UBE3A: variants seen among roughly 807,000 people sequenced by gnomAD.
The protein encoded by UBE3A is ubiquitin protein ligase E3A.
A neutral mutation model predicts 83.4 loss-of-function variants in UBE3A; 6 were observed. That is an observed-to-expected ratio of 0.07 (90% CI 0.04 to 0.14). The LOEUF is 0.14. Among genes scored for constraint, UBE3A ranks in the 10% least tolerant of loss-of-function variants. UBE3A has a pLI of 1.00. For missense variants in UBE3A, 456 were observed against 1,036.1 expected (o/e 0.44, Z 7.69); for synonymous variants, 337 against 355.4 (o/e 0.95, Z 0.58).
chr15:25,379,990 A>C lies in UBE3A; in HGVS notation c.63-4227T>G, dbSNP rs28397621. On this transcript the variant is annotated intron_variant, in intron 4 of 12. Coordinates refer to ENST00000648336, the MANE Select transcript of UBE3A (RefSeq NM_130839.5). ...TGTCCCCACCCAAATCTCATCTTGA[A>C]TTGTACTCCCATAATTCTCATGTGT... 4.3e-3 allele frequency among the ~76,000 whole-genome samples: 656 copies of C among 152,192 alleles called. 2 individuals carry two copies. Among genetic ancestry groups the C allele is most frequent in the African/African-American group, 0.014 (581 of 41,514 alleles).
intron 11 of UBE3A, among the ~76,000 whole-genome samples, chr15:25,341,355 G>A (rs1486816201): frequency 1.3e-5 from 2 of 151,638 alleles, no homozygotes; most frequent in South Asian, 2.1e-4. Flanking sequence ...GCAGGCATGA[G>A]CCACCGCGCC....
intron 4 of UBE3A, among the ~76,000 whole-genome samples, chr15:25,390,259 C>G (rs756915572): frequency 5.9e-5 from 9 of 152,138 alleles, no homozygotes; most frequent in Non-Finnish European, 1.3e-4. Flanking sequence ...AAACTAAACA[C>G]TTTTACCATA....
At chr15:25,342,696 C>T (rs1275684174) in intron 11 of UBE3A, among the ~76,000 whole-genome samples, 1 of 151,988 alleles carries the variant, frequency 6.6e-6, no homozygotes, top group African/African-American at 2.4e-5. Context: ...GAACAATAAA[C>T]TCCAAATACC....
chr15:25,358,599 T>C (rs2077567504), intron 7 of UBE3A, among the ~76,000 whole-genome samples: 1 of 152,182 alleles, frequency 6.6e-6, no homozygotes, highest in South Asian at 2.1e-4. Flanking sequence ...AAGTAGAGCT[T>C]AGAAATCAGA....
At chr15:25,411,132 T>C (rs11857412) in intron 2 of UBE3A, among the ~76,000 whole-genome samples, 7,065 of 152,286 alleles carry the variant, frequency 0.046, 212 homozygotes, top group African/African-American at 0.065. Flanking sequence ...GACTTATGTC[T>C]CTGTTTGGTC....
In UBE3A at chr15:25,437,417, T is replaced by G. The variant is rs140632097; in HGVS notation, c.-165+1072A>C. Among the ~76,000 whole-genome samples the G allele has an allele frequency of 6.4e-3, 968 of 152,302 alleles. 6 individuals are homozygous for G. Among genetic ancestry groups the G allele is most frequent in the Non-Finnish European group, 8.8e-3 (598 of 68,026 alleles). ...CCTTTGTGTCTCTGACAGGTAACTT[T>G]CAACAGTTGTATTTCTTAAACTTTA... On this transcript the variant is annotated intron_variant, in intron 1 of 12. Transcript: ENST00000648336.
intron 4 of UBE3A, 115 bp from the exon 5 acceptor site, chr15:25,375,878 G>A: frequency 8.7e-7 from 1 of 1,151,988 alleles, no homozygotes; most frequent in South Asian, 1.3e-5. Flanking sequence ...ACCTGTGTAT[G>A]AAGATGAGAA....
chr15:25,406,874 A>AG (rs1197293862), intron 3 of UBE3A, among the ~76,000 whole-genome samples: 5 of 151,252 alleles, frequency 3.3e-5, no homozygotes, highest in Non-Finnish European at 5.9e-5. Flanking sequence ...AAAAAAAAAA[A>AG]GACTCCAGCA....
At chr15:25,420,690 C>T (rs1206335739) in intron 1 of UBE3A, 1 of 152,144 alleles carries the variant, frequency 6.6e-6, no homozygotes, top group Non-Finnish European at 1.5e-5. Flanking sequence ...AATTGGAACC[C>T]TTATTCACTG....
intron 4 of UBE3A, among the ~76,000 whole-genome samples, chr15:25,389,789 G>C (rs1334057912): frequency 6.6e-6 from 1 of 152,188 alleles, no homozygotes; most frequent in East Asian, 1.9e-4. Flanking sequence ...TCGGGAGGCT[G>C]ACGCAGGAGA....
chr15:25,350,359 C>T (rs1354946061), intron 11 of UBE3A, among the ~76,000 whole-genome samples: 1 of 150,888 alleles, frequency 6.6e-6, no homozygotes, highest in Non-Finnish European at 1.5e-5. Context: ...CCCGCCAACA[C>T]ACACATACAT....
At chr15:25,390,054 C>T (rs991067417) in intron 4 of UBE3A, among the ~76,000 whole-genome samples, 4 of 152,200 alleles carry the variant, frequency 2.6e-5, no homozygotes, top group Admixed American at 2.6e-4. Context: ...ATGTCCCACA[C>T]ATCATATGGC....
chr15:25,395,365 C>T (rs751499284), intron 4 of UBE3A, among the ~76,000 whole-genome samples: 2 of 152,138 alleles, frequency 1.3e-5, no homozygotes, highest in African/African-American at 2.4e-5. Context: ...AAGCACAAGA[C>T]TCCTGGGAAA....
chr15:25,420,006 T>A (rs1378965284), intron 1 of UBE3A, among the ~76,000 whole-genome samples: 2 of 152,150 alleles, frequency 1.3e-5, no homozygotes, highest in Middle Eastern at 3.4e-3. Flanking sequence ...ACAAATAGTG[T>A]CTTAAACACA....
chr15:25,415,851 A>G (rs1250600336), intron 1 of UBE3A: 1 of 132,196 alleles, frequency 7.6e-6, no homozygotes, highest in African/African-American at 3.6e-5. Context: ...CTCTACAAGA[A>G]AAAAAAAAAA....
chr15:25,388,469 T>C (rs772918780), intron 4 of UBE3A, among the ~76,000 whole-genome samples: 3 of 152,100 alleles, frequency 2.0e-5, no homozygotes, highest in Non-Finnish European at 4.4e-5. Flanking sequence ...CACCTTCAAC[T>C]TGATAAAGAA....
intron 4 of UBE3A, among the ~76,000 whole-genome samples, chr15:25,390,990 C>T (rs967863116): frequency 3.8e-4 from 58 of 151,740 alleles, no homozygotes; most frequent in African/African-American, 1.4e-3. Context: ...TCCAGTAATC[C>T]TACACCTGGG....
At chr15:25,428,590 T>C (rs1892112328) in intron 1 of UBE3A, among the ~76,000 whole-genome samples, 1 of 152,226 alleles carries the variant, frequency 6.6e-6, no homozygotes, top group Non-Finnish European at 1.5e-5. Flanking sequence ...TACGATAGTG[T>C]GCCTTTCCTT....
At position 25,371,853 on chromosome 15, in the gene UBE3A, AT is replaced by A. The variant is rs753642605; in HGVS notation, c.362-42del. 6.3e-7 allele frequency: 1 copy of A among 1,577,580 alleles called. No homozygotes were observed. The highest frequency in any genetic ancestry group is 1.1e-5 in the South Asian group (1 of 88,416). On this transcript the variant is annotated intron_variant, in intron 5 of 12. Transcript: ENST00000648336. This position sits in a 1 kb window ranked among gnomAD's most constrained non-coding sequence, Gnocchi z 5.3. ...AAAAAAGAGAACATTTATTTTCATA[AT>A]ATGTATGTTTACTCTGTTGCAAAAA...
Sources: allele counts gnomAD v4.1 joint callset (sites outside exome capture counted in the v4.1 genomes callset), GRCh38; gene constraint gnomAD v4.1.1; non-coding constraint Gnocchi (gnomAD v3.1); transcripts MANE v1.5; gene names NCBI Gene and HGNC (gene_info 2026-07-23, HGNC 2026-07-21).